MCC: variants seen among roughly 807,000 people sequenced by gnomAD.
MCC encodes colorectal mutant cancer protein.
MCC carries 90 observed loss-of-function variants against 116.2 expected under a neutral mutation model. The ratio of observed to expected loss-of-function variants is 0.77; its 90% CI spans 0.65 to 0.92. The LOEUF (loss-of-function observed/expected upper bound fraction) is 0.92. Among genes scored for constraint, MCC ranks in the 40% least tolerant of loss-of-function variants. MCC has a pLI of 0.00. For missense variants in MCC, 1,516 were observed against 1,312.2 expected (o/e 1.16, Z -2.40); for synonymous variants, 578 against 510.5 (o/e 1.13, Z -1.78).
intron 3 of MCC, among the ~76,000 whole-genome samples, chr5:113,202,214 GA>G (rs796669446): frequency 0.01 from 1,504 of 144,974 alleles, 15 homozygotes; most frequent in African/African-American, 0.033. Context: ...GCAAAAGGGG[GA>G]AAAAAAAAAA....
intron 8 of MCC, chr5:113,101,482 C>T: frequency 2.0e-6 from 1 of 493,298 alleles, no homozygotes; most frequent in East Asian, 3.6e-5. Context: ...TTTAGAATCA[C>T]TGCCCCGATG....
intron 3 of MCC, among the ~76,000 whole-genome samples, chr5:113,290,126 CCTT>C (rs776612665): frequency 1.3e-4 from 20 of 152,192 alleles, no homozygotes; most frequent in Non-Finnish European, 2.5e-4. Flanking sequence ...ATACAATTCT[CCTT>C]CTTAATTAGA....
intron 3 of MCC, among the ~76,000 whole-genome samples, chr5:113,331,889 C>T (rs1260646046): frequency 1.2e-4 from 18 of 151,680 alleles, no homozygotes; most frequent in South Asian, 1.0e-3. Context: ...CCGCCCACCT[C>T]GGCCTCCCAA....
chr5:113,365,344 TCTG>T (rs1249445353), intron 2 of MCC, among the ~76,000 whole-genome samples: 1 of 152,206 alleles, frequency 6.6e-6, no homozygotes, highest in Non-Finnish European at 1.5e-5. Context: ...AGCCAGGGTC[TCTG>T]CTAAACCGTA....
At position 113,222,149 on chromosome 5, in the gene MCC, T is replaced by C. The variant is rs555112346; in HGVS notation, c.628-70727A>G. Among the ~76,000 whole-genome samples, 274 of 152,354 alleles carry C rather than the reference T, an allele frequency of 1.8e-3. 6 individuals are homozygous for C. The South Asian group carries it at 0.055, about 30-fold the overall frequency. ...TAAATCATGAATGCATGTTACATTT[T>C]GTCAATTCTTTTTCTATATTTATTA... On this transcript the variant is annotated intron_variant, in intron 3 of 18. Coordinates refer to ENST00000408903, the MANE Select transcript of MCC (RefSeq NM_001085377.2).
intron 3 of MCC, among the ~76,000 whole-genome samples, chr5:113,162,001 T>A (rs1237161954): frequency 6.6e-6 from 1 of 152,142 alleles, no homozygotes; most frequent in Admixed American, 6.5e-5. Flanking sequence ...CGTTTGCTGG[T>A]ACATCTAATC....
At chr5:113,091,562 A>G (rs1158955822) in intron 8 of MCC, among the ~76,000 whole-genome samples, 1 of 152,226 alleles carries the variant, frequency 6.6e-6, no homozygotes, top group Non-Finnish European at 1.5e-5. Context: ...GAAATAATGA[A>G]ACAAAAATAG....
intron 3 of MCC, among the ~76,000 whole-genome samples, chr5:113,293,218 C>A (rs903534824): frequency 3.0e-4 from 46 of 151,896 alleles, no homozygotes; most frequent in African/African-American, 1.1e-3. Context: ...CCCCCTCTTT[C>A]CCATCACCAG....
intron 1 of MCC, among the ~76,000 whole-genome samples, chr5:113,406,581 T>G (rs1258423029): frequency 6.6e-6 from 1 of 152,224 alleles, no homozygotes. Flanking sequence ...TCTACATCTA[T>G]ACTCACTAGT....
At chr5:113,395,229 T>C (rs1769495503) in intron 1 of MCC, among the ~76,000 whole-genome samples, 1 of 152,196 alleles carries the variant, frequency 6.6e-6, no homozygotes, top group African/African-American at 2.4e-5. Context: ...TTTAATGCCA[T>C]TTCTCCTGTA....
rs149845800 is a variant in MCC at position 113,147,027 on chromosome 5, G to T, written c.742-3667C>A. Among the ~76,000 whole-genome samples, 996 of 152,292 alleles carry T rather than the reference G, an allele frequency of 6.5e-3. 3 individuals carry two copies. The highest frequency in any genetic ancestry group is 0.01 in the Non-Finnish European group (710 of 68,014). ...CAGTTTGAAAGGAAAAGAAAAAAAT[G>T]ATTGACATTGGATATGACGAAATTT... On this transcript the variant is annotated intron_variant, in intron 4 of 18. Coordinates refer to ENST00000408903, the MANE Select transcript of MCC (RefSeq NM_001085377.2).
chr5:113,471,519 C>A (rs894309463), intron 1 of MCC, among the ~76,000 whole-genome samples: 2 of 152,028 alleles, frequency 1.3e-5, no homozygotes, highest in Non-Finnish European at 2.9e-5. Context: ...GCTGCCTGAT[C>A]GTTCCTCTGG....
intron 3 of MCC, among the ~76,000 whole-genome samples, chr5:113,218,188 G>A (rs370719499): frequency 4.6e-5 from 7 of 152,134 alleles, no homozygotes; most frequent in East Asian, 3.9e-4. Context: ...GAGCACTGGC[G>A]ACAAGCGACA....
chr5:113,143,382 A>C (rs765710097), intron 4 of MCC, 22 bp from the exon 5 acceptor site: 2 of 1,613,042 alleles, frequency 1.2e-6, no homozygotes, highest in African/African-American at 2.7e-5. Flanking sequence ...GGAAAAGGAC[A>C]GAAGTGCTGA....
At chr5:113,128,669 T>A (rs1258964196) in intron 5 of MCC, among the ~76,000 whole-genome samples, 1 of 152,196 alleles carries the variant, frequency 6.6e-6, no homozygotes, top group Non-Finnish European at 1.5e-5. Context: ...CAAGAGCTCA[T>A]ATAAGATCCA....
chr5:113,186,057 A>T (rs1253763152), intron 3 of MCC, among the ~76,000 whole-genome samples: 1 of 152,110 alleles, frequency 6.6e-6, no homozygotes, highest in Non-Finnish European at 1.5e-5. Context: ...AACAATGCAT[A>T]AACCTAGTTT....
intron 1 of MCC, among the ~76,000 whole-genome samples, chr5:113,424,655 G>A (rs566815854): frequency 2.0e-5 from 3 of 152,172 alleles, no homozygotes; most frequent in Non-Finnish European, 4.4e-5. Flanking sequence ...AAAGGTGACA[G>A]TGAGCTGAGA....
intron 2 of MCC, among the ~76,000 whole-genome samples, chr5:113,381,525 T>C (rs1273071173): frequency 6.6e-6 from 1 of 152,122 alleles, no homozygotes; most frequent in Non-Finnish European, 1.5e-5. Flanking sequence ...TGGTGGTGCT[T>C]GCCTGTAATC....
rs547739868 is a variant in MCC, at chr5:113,321,951, C to G, written c.627+18568G>C. ...GGTTCAAGCAATTCTCCTGCCTCAG[C>G]CTCCCAAGTAGCTAGGATTACAGGT... is the stretch of plus-strand genomic sequence containing the variant. On this transcript the variant is annotated intron_variant, in intron 3 of 18. Transcript: ENST00000408903. Among the ~76,000 whole-genome samples the G allele has an allele frequency of 3.9e-5, 6 of 152,322 alleles. No individual in the cohort carries two copies. The South Asian group carries it at 1.2e-3, about 32-fold the overall frequency.
Sources: allele counts gnomAD v4.1 joint callset (sites outside exome capture counted in the v4.1 genomes callset), GRCh38; gene constraint gnomAD v4.1.1; transcripts MANE v1.5; gene names NCBI Gene and HGNC (gene_info 2026-07-23, HGNC 2026-07-21).